The following CIP2A variants were observed in gnomAD, a reference collection of about 807,000 sequenced individuals.
CIP2A encodes the protein cellular inhibitor of PP2A, also known as protein CIP2A.
In CIP2A, 103 loss-of-function variants were observed where a neutral mutation model predicts 110.9. That is an observed-to-expected ratio of 0.93 (90% CI 0.79 to 1.09). The LOEUF (loss-of-function observed/expected upper bound fraction) is 1.09. CIP2A is among the 50% of genes least tolerant of loss of function. CIP2A has a pLI of 0.00. For synonymous variants in CIP2A, 381 were observed against 361.6 expected (o/e 1.05, Z -0.61); for missense variants, 1,088 against 1,038.4 (o/e 1.05, Z -0.66).
rs1937977631 is a variant in CIP2A at position 108,560,726 on chromosome 3, A to C, written c.1750T>G (p.Leu584Val). 6.2e-7 allele frequency: 1 copy of C among 1,612,486 alleles called. No individual in the cohort carries two copies. Among genetic ancestry groups the C allele is most frequent in the African/African-American group, 1.3e-5 (1 of 74,948 alleles). ...NHSFPTSIKC[L>V]TPHLKDGVPG... ...ACACCATCTTTCAAATGAGGAGTTA[A>C]ACACTTTATTGATGTTGGAAAACTG... Residue 584 changes from leucine (L) to valine (V), a missense_variant, in exon 14 of 21, where the codon TTA (leucine) becomes GTA (valine). By Grantham distance (32) the Leu-to-Val change is conservative (BLOSUM62 1). Transcript: ENST00000295746.
chr3:108,568,640 A>T (rs1938268170), intron 9 of CIP2A, among the ~76,000 whole-genome samples: 1 of 152,036 alleles, frequency 6.6e-6, no homozygotes, highest in Non-Finnish European at 1.5e-5. Context: ...TAATAACAAT[A>T]ATTAAATAAT....
At chr3:108,565,991 GA>G (rs1420786024) in intron 11 of CIP2A, among the ~76,000 whole-genome samples, 1 of 151,666 alleles carries the variant, frequency 6.6e-6, no homozygotes, top group Non-Finnish European at 1.5e-5. Context: ...GTAAAGATTA[GA>G]TGGACTTAAT....
chr3:108,566,625 A>G lies in CIP2A; in HGVS notation c.1287T>C (p.Asp429=), dbSNP rs1442100893. Residue 429 remains aspartate, a synonymous_variant, in exon 11 of 21, where the codon GAT becomes GAC. Transcript: ENST00000295746. ...AIEVLLTLCG[D]DTLKMHIAKI... is the part of the protein sequence containing the mutation. ...TTGCAATATGCATTTTTAGTGTATC[A>G]TCTCCACAGAGAGGTTAAGTTTTGT... is the stretch of plus-strand genomic sequence containing the variant. The G allele has an allele frequency of 1.3e-6, 2 of 1,598,754 alleles. No individual in the cohort carries two copies. The highest frequency in any genetic ancestry group is 1.7e-6 in the Non-Finnish European group (2 of 1,172,890).
At chr3:108,572,426 C>A (rs904169064) in intron 8 of CIP2A, among the ~76,000 whole-genome samples, 1 of 151,968 alleles carries the variant, frequency 6.6e-6, no homozygotes, top group Non-Finnish European at 1.5e-5. Flanking sequence ...ATTCAATTGA[C>A]CCAGCGTCAT....
chr3:108,587,344 T>TA (rs1034421597), intron 1 of CIP2A, among the ~76,000 whole-genome samples: 10 of 151,800 alleles, frequency 6.6e-5, no homozygotes, highest in African/African-American at 9.7e-5. Context: ...ACATCAATAA[T>TA]AAAAAAAATG....
In CIP2A at chr3:108,576,356, G is replaced by C; in HGVS notation, c.819-10C>G. 1.4e-6 allele frequency: 2 copies of C among 1,386,396 alleles called. No homozygotes were observed. Among genetic ancestry groups the C allele is most frequent in the East Asian group, 2.4e-5 (1 of 40,918 alleles). The allele number at this position is 1,386,396 out of a possible 1,614,324, so 85.9% of individuals were successfully genotyped here. A position where few individuals can be genotyped will look rare whatever the true frequency, so the allele number is the denominator to read the frequency against. On this transcript the variant is annotated splice_polypyrimidine_tract_variant and intron_variant, in intron 7 of 20. Coordinates refer to ENST00000295746, the MANE Select transcript of CIP2A (RefSeq NM_020890.3). ...AGAAAAGTGCTCATATCTAGGTTTA[G>C]AATAAAAATATACATCAAATGATAA...
At chr3:108,551,483 T>C (rs904538470) in intron 20 of CIP2A, among the ~76,000 whole-genome samples, 164 bp from the exon 21 acceptor site, 4 of 152,134 alleles carry the variant, frequency 2.6e-5, no homozygotes, top group Non-Finnish European at 5.9e-5. Context: ...ACATGGTAAG[T>C]TTAAAATGAA....
At position 108,579,638 on chromosome 3, in the gene CIP2A, A is replaced by G; in HGVS notation, c.600T>C (p.Ser200=). The change falls in exon 6 of 21, where the codon AGT becomes AGC. Residue 200 remains serine (S), a synonymous_variant. Transcript: ENST00000295746. ...GTGCAAACACAACCACAGTTAAACT[A>G]CTATGGGCCAACAAGGTGATAAGAG... The part of the protein sequence containing the change: ...YRTLITLLAH[S]SLTVVVFALS... The G allele has an allele frequency of 1.9e-6, 3 of 1,605,196 alleles. No homozygotes were observed. The highest frequency in any genetic ancestry group is 2.6e-6 in the Non-Finnish European group (3 of 1,175,728).
chr3:108,588,278 T>C (rs1284170975), intron 1 of CIP2A, among the ~76,000 whole-genome samples: 1 of 152,176 alleles, frequency 6.6e-6, no homozygotes, highest in Non-Finnish European at 1.5e-5. Flanking sequence ...CAGGCACTTC[T>C]TAAAATAAAG....
intron 2 of CIP2A, 187 bp downstream of exon 2, chr3:108,584,878 T>C (rs1576320905): frequency 6.4e-6 from 3 of 465,466 alleles, no homozygotes; most frequent in African/African-American, 6.0e-5. Flanking sequence ...GTGTAATCTA[T>C]TACAGAAGGA....
intron 9 of CIP2A, 148 bp from the exon 10 acceptor site, chr3:108,568,462 T>G: frequency 1.8e-6 from 1 of 544,590 alleles, no homozygotes; most frequent in Non-Finnish European, 3.0e-6. Context: ...ATATTTAAAT[T>G]TTTATTTAAA....
Position 108,565,421 on chromosome 3 carries a change from A to T in CIP2A, c.1449T>A (p.Leu483=), listed in dbSNP as rs1553694119. 8.1e-6 allele frequency: 13 copies of T among 1,597,524 alleles called. No individual in the cohort carries two copies. The highest frequency in any genetic ancestry group is 1.1e-5 in the Non-Finnish European group (13 of 1,171,728). Residue 483 remains leucine, a synonymous_variant, in exon 12 of 21, where the codon CTT becomes CTA. Coordinates refer to ENST00000295746, the MANE Select transcript of CIP2A (RefSeq NM_020890.3). ...KLAADVILKT[L]DLINKLKPLV... ...ATGGTTTAAGTTTGTTAATCAAATCAAGAGTTTTCAAAATTACATCAGCAG... is the reference window on the plus strand; with the variant it reads ...ATGGTTTAAGTTTGTTAATCAAATCTAGAGTTTTCAAAATTACATCAGCAG...
At chr3:108,588,314 TTAGGAGATGGGCA>T (rs552880641) in intron 1 of CIP2A, among the ~76,000 whole-genome samples, 2,901 of 152,156 alleles carry the variant, frequency 0.019, 101 homozygotes, top group African/African-American at 0.067. Flanking sequence ...ACAAATGTAC[TTAGGAGATGGGCA>T]CTTGAAGTAG....
At chr3:108,589,159 G>A (rs1939215574) in intron 1 of CIP2A, 115 bp downstream of exon 1, 3 of 725,424 alleles carry the variant, frequency 4.1e-6, no homozygotes, top group Non-Finnish European at 7.1e-6. Flanking sequence ...AGACAACAGA[G>A]GGATCGAAGG....
intron 9 of CIP2A, among the ~76,000 whole-genome samples, chr3:108,568,823 T>C (rs1938275698): frequency 1.3e-5 from 2 of 151,942 alleles, no homozygotes; most frequent in Non-Finnish European, 2.9e-5. Context: ...TTTGTTTGTG[T>C]GTAAGACCCA....
Position 108,559,832 on chromosome 3 carries a change from T to C in CIP2A, c.1938A>G (p.Thr646=), listed in dbSNP as rs1197416425. The change falls in exon 16 of 21, where the codon ACA becomes ACG. Residue 646 remains threonine (T), a synonymous_variant. Transcript: ENST00000295746. ...CAGCCTGTGCAAGGGCTAGAGCTTTTGTTTCCAAAAGATCTTGTAGCCTGC... is the reference window on the plus strand; with the variant it reads ...CAGCCTGTGCAAGGGCTAGAGCTTTCGTTTCCAAAAGATCTTGTAGCCTGC... ...KESRLQDLLE[T]KALALAQADR... is the part of the protein sequence containing the mutation. The C allele has an allele frequency of 1.2e-6, 2 of 1,608,094 alleles. No individual in the cohort carries two copies. Among genetic ancestry groups the C allele is most frequent in the Non-Finnish European group, 1.7e-6 (2 of 1,175,708 alleles).
At chr3:108,573,431 A>C (rs1003154463) in intron 8 of CIP2A, among the ~76,000 whole-genome samples, 12 of 151,842 alleles carry the variant, frequency 7.9e-5, no homozygotes, top group African/African-American at 2.9e-4. Context: ...ACTTTAAAAA[A>C]TTAAGTTTTA....
chr3:108,562,895 A>G (rs1576302946), intron 13 of CIP2A, among the ~76,000 whole-genome samples: 2 of 152,256 alleles, frequency 1.3e-5, no homozygotes, highest in South Asian at 4.1e-4. Context: ...ACATAGAGGG[A>G]TAGTACCTGA....
chr3:108,555,225 C>T (rs1559688373), intron 17 of CIP2A, among the ~76,000 whole-genome samples: 1 of 152,152 alleles, frequency 6.6e-6, no homozygotes, highest in African/African-American at 2.4e-5. Context: ...ACGTATTTTT[C>T]TTGGACGCTG....
Sources: gnomAD v4.1 joint callset for allele counts (sites outside exome capture counted in the v4.1 genomes callset) on GRCh38, gnomAD v4.1.1 for gene constraint, MANE v1.5 for transcripts, NCBI Gene and HGNC (gene_info 2026-07-23, HGNC 2026-07-21) for gene names.